The following PTCSC3 variants were observed in gnomAD, a reference collection of about 807,000 sequenced individuals.
The protein encoded by PTCSC3 is papillary thyroid carcinoma susceptibility candidate 3 (non-protein coding).
At chr14:36,139,119 TAAAAAAAAAA>T (rs370864635) in intron 3 of PTCSC3, among the ~76,000 whole-genome samples, 1 of 106,600 alleles carries the variant, frequency 9.4e-6, no homozygotes, top group Non-Finnish European at 1.8e-5. Flanking sequence ...ATCTCAAAAA[TAAAAAAAAAA>T]AAAAAAAAAA....
chr14:36,162,550 G>A (rs1333774544), intron 2 of PTCSC3: 2 of 152,218 alleles, frequency 1.3e-5, no homozygotes, highest in Non-Finnish European at 2.9e-5. Flanking sequence ...GCCCTCCGTG[G>A]GCTGCACCCA....
At chr14:36,155,396 AC>A (rs1034951254) in intron 2 of PTCSC3, among the ~76,000 whole-genome samples, 1 of 152,044 alleles carries the variant, frequency 6.6e-6, no homozygotes, top group Non-Finnish European at 1.5e-5. Flanking sequence ...GCTGGTTGCT[AC>A]CCCCATGCTC....
chr14:36,168,883 G>C (rs1053766926), intron 1 of PTCSC3, among the ~76,000 whole-genome samples: 3 of 152,178 alleles, frequency 2.0e-5, no homozygotes, highest in Non-Finnish European at 2.9e-5. Context: ...GGCCTCCTGA[G>C]TAGTTTGGAT....
rs368557132 is a variant in PTCSC3 at position 36,148,197 on chromosome 14, T to G, written n.322+5607A>C. Among the ~76,000 whole-genome samples, 1,465 of 150,320 alleles carry G rather than the reference T, an allele frequency of 9.7e-3. 30 individuals carry two copies. The highest frequency in any genetic ancestry group is 0.032 in the African/African-American group (1,293 of 39,786). The stretch of plus-strand genomic sequence containing the variant: ...GAGCTGTGGTGGGCTCCACCCAGTT[T>G]GAGCTTCCCGGCTGCTTTGTTTACC... On this transcript the variant is annotated intron_variant and non_coding_transcript_variant, in intron 3 of 3. Coordinates refer to ENST00000556013, the Ensembl canonical transcript of PTCSC3.
At chr14:36,160,483 C>T (rs745528941) in intron 2 of PTCSC3, among the ~76,000 whole-genome samples, 7 of 152,098 alleles carry the variant, frequency 4.6e-5, no homozygotes, top group African/African-American at 7.2e-5. Context: ...CCTTCATTTA[C>T]GAAGCTTAGT....
intron 3 of PTCSC3, among the ~76,000 whole-genome samples, chr14:36,150,651 T>G (rs1214483814): frequency 6.6e-6 from 1 of 152,216 alleles, no homozygotes; most frequent in Non-Finnish European, 1.5e-5. Context: ...ATTGAGCATT[T>G]TATATGATTC....
At chr14:36,169,814 C>T (rs1341274783) in intron 1 of PTCSC3, among the ~76,000 whole-genome samples, 1 of 152,140 alleles carries the variant, frequency 6.6e-6, no homozygotes, top group Non-Finnish European at 1.5e-5. Context: ...ACATATTGAC[C>T]TCCTGCTGTG....
chr14:36,150,565 C>T (rs1881698326), intron 3 of PTCSC3, among the ~76,000 whole-genome samples: 1 of 152,198 alleles, frequency 6.6e-6, no homozygotes, highest in South Asian at 2.1e-4. Context: ...CAGTTGAATA[C>T]CTGCCACATT....
chr14:36,137,323 C>G (rs576180194), intron 3 of PTCSC3, among the ~76,000 whole-genome samples: 1 of 152,096 alleles, frequency 6.6e-6, no homozygotes, highest in East Asian at 1.9e-4. Context: ...AATATGAGAT[C>G]GTAGAGATAT....
chr14:36,146,629 G>A (rs1243056982), intron 3 of PTCSC3, among the ~76,000 whole-genome samples: 6 of 152,246 alleles, frequency 3.9e-5, no homozygotes, highest in Non-Finnish European at 8.8e-5. Context: ...TTGCCAGTCT[G>A]TGTGTTTTAA....
At chr14:36,170,768 G>A (rs1882178174) in intron 1 of PTCSC3, among the ~76,000 whole-genome samples, 1 of 151,992 alleles carries the variant, frequency 6.6e-6, no homozygotes, top group Non-Finnish European at 1.5e-5. Flanking sequence ...GAAATAAAGG[G>A]GCAAGTGACC....
intron 3 of PTCSC3, among the ~76,000 whole-genome samples, chr14:36,149,896 G>C (rs187624645): frequency 6.6e-6 from 1 of 152,194 alleles, no homozygotes; most frequent in East Asian, 1.9e-4. Flanking sequence ...AAGTTTTTCA[G>C]ATTTCAGACT....
chr14:36,150,553 T>A, intron 3 of PTCSC3, among the ~76,000 whole-genome samples: 1 of 152,236 alleles, frequency 6.6e-6, no homozygotes, highest in Admixed American at 6.5e-5. Context: ...TGATTATTGA[T>A]ACAGTTGAAT....
intron 3 of PTCSC3, among the ~76,000 whole-genome samples, chr14:36,149,814 C>T (rs1439753171): frequency 2.0e-5 from 3 of 152,120 alleles, no homozygotes; most frequent in African/African-American, 7.2e-5. Flanking sequence ...GTACATCTTT[C>T]TCCATCCCTT....
chr14:36,174,285 C>G (rs1411883502), intron 1 of PTCSC3, among the ~76,000 whole-genome samples: 2 of 152,146 alleles, frequency 1.3e-5, no homozygotes, highest in Non-Finnish European at 2.9e-5. Flanking sequence ...TCTCCAGATT[C>G]AGGCATGTCT....
chr14:36,155,245 T>C (rs1294295400), intron 2 of PTCSC3, among the ~76,000 whole-genome samples: 1 of 152,164 alleles, frequency 6.6e-6, no homozygotes, highest in Non-Finnish European at 1.5e-5. Context: ...TTCTTCCTTA[T>C]CTGTATACCT....
chr14:36,156,666 T>C (rs1881833944), intron 2 of PTCSC3, among the ~76,000 whole-genome samples: 1 of 152,152 alleles, frequency 6.6e-6, no homozygotes, highest in African/African-American at 2.4e-5. Context: ...ATGCAGTGTT[T>C]GGTTTTCTGT....
chr14:36,138,822 G>A (rs1437135114), intron 3 of PTCSC3, among the ~76,000 whole-genome samples: 2 of 152,114 alleles, frequency 1.3e-5, no homozygotes, highest in South Asian at 2.1e-4. Flanking sequence ...TTACCCAAAA[G>A]AAATGCATAT....
At chr14:36,142,302 T>C (rs1881441600) in intron 3 of PTCSC3, among the ~76,000 whole-genome samples, 1 of 152,232 alleles carries the variant, frequency 6.6e-6, no homozygotes, top group Non-Finnish European at 1.5e-5. Flanking sequence ...CCTGATTTTA[T>C]GGATTATATT....
Sources: allele counts gnomAD v4.1 joint callset (sites outside exome capture counted in the v4.1 genomes callset), GRCh38; gene constraint gnomAD v4.1.1; transcripts MANE v1.5; gene names NCBI Gene and HGNC (gene_info 2026-07-23, HGNC 2026-07-21).